Variants in FLT1 observed in about 807,000 individuals in gnomAD.
FLT1 encodes the protein fms related receptor tyrosine kinase 1.
Under a neutral mutation model 156.3 loss-of-function variants are expected in FLT1, and 49 were observed. The observed-to-expected ratio is 0.31, with a 90% confidence interval of 0.25 to 0.40. FLT1 has a LOEUF of 0.40. Ranked by LOEUF, FLT1 falls within the 10% of genes least tolerant of loss-of-function variation. The pLI is 1.00. For synonymous variants in FLT1, 594 were observed against 583.8 expected (o/e 1.02, Z -0.25); for missense variants, 1,322 against 1,637.2 (o/e 0.81, Z 3.32).
chr13:28,370,052 A>T (rs553586712), intron 14 of FLT1, among the ~76,000 whole-genome samples: 8 of 152,188 alleles, frequency 5.3e-5, no homozygotes, highest in African/African-American at 1.9e-4. Context: ...AATAAAAAAA[A>T]TTAGCCCGGC....
rs373080027 is a variant in FLT1, at chr13:28,334,135, A to T, written c.2489-6T>A. 34 of 1,594,416 alleles carry T rather than the reference A, an allele frequency of 2.1e-5. No homozygotes were observed. The highest frequency in any genetic ancestry group is 2.8e-5 in the Non-Finnish European group (32 of 1,162,058). On this transcript the variant is annotated splice_polypyrimidine_tract_variant and splice_region_variant and intron_variant, in intron 17 of 29. Transcript: ENST00000282397. Reference sequence around the variant, plus strand: ...CCCTCTTCCAAGTGATTTGCCTGTAATGAAGAGAAGACACTGGTTTGTTTG... The same window carrying T: ...CCCTCTTCCAAGTGATTTGCCTGTATTGAAGAGAAGACACTGGTTTGTTTG...
intron 1 of FLT1, among the ~76,000 whole-genome samples, chr13:28,478,703 T>G (rs916853677): frequency 1.3e-5 from 2 of 152,248 alleles, no homozygotes; most frequent in Non-Finnish European, 1.5e-5. Context: ...AAAATGCATA[T>G]TGTTCCAGTT....
At chr13:28,484,660 A>C (rs1227448135) in intron 1 of FLT1, among the ~76,000 whole-genome samples, 1 of 152,148 alleles carries the variant, frequency 6.6e-6, no homozygotes, top group African/African-American at 2.4e-5. Context: ...GAGATGGCCA[A>C]ACTCCAAGGA....
intron 4 of FLT1, among the ~76,000 whole-genome samples, chr13:28,437,714 G>C (rs946107448): frequency 2.0e-5 from 3 of 152,074 alleles, no homozygotes; most frequent in African/African-American, 7.2e-5. Flanking sequence ...TTTTCCCTAA[G>C]AGATGAAGTT....
At chr13:28,440,531 A>T (rs1368908746) in intron 3 of FLT1, among the ~76,000 whole-genome samples, 1 of 152,206 alleles carries the variant, frequency 6.6e-6, no homozygotes, top group East Asian at 1.9e-4. Context: ...TTCAGTGGGA[A>T]AGTAAGTGCC....
In FLT1 at chr13:28,312,062, T is replaced by C. The variant is rs560320808; in HGVS notation, c.3423A>G (p.Pro1141=). ...GTTCTGCAAATCTTGGCCTTTCTTTTGGGTCTCTGTGCCAGCAGTCCAGCA... is the reference window on the plus strand; with the variant it reads ...GTTCTGCAAATCTTGGCCTTTCTTTCGGGTCTCTGTGCCAGCAGTCCAGCA... The part of the protein sequence containing the change: ...QIMLDCWHRD[P]KERPRFAELV... The change falls in exon 26 of 30, where the codon CCA becomes CCG. Residue 1141 remains proline (P), a synonymous_variant. Coordinates refer to ENST00000282397, the MANE Select transcript of FLT1 (RefSeq NM_002019.4). The C allele has an allele frequency of 3.1e-6, 5 of 1,613,930 alleles. No homozygotes were observed. In the African/African-American group the frequency reaches 5.3e-5, roughly 17 times the overall value.
chr13:28,414,719 C>G (rs1447542658), intron 10 of FLT1, among the ~76,000 whole-genome samples: 1 of 152,188 alleles, frequency 6.6e-6, no homozygotes, highest in Non-Finnish European at 1.5e-5. Context: ...GTGAGCAACA[C>G]TTGTCTTTTG....
rs1284665489 is a variant in FLT1 at position 28,419,538 on chromosome 13, T to A, written c.1436+7621A>T. ...TCACAAATTTTGTGTCACTATCTTCTGGTAACCTGAGAAGCTACACTGAAT... is the reference window on the plus strand; with the variant it reads ...TCACAAATTTTGTGTCACTATCTTCAGGTAACCTGAGAAGCTACACTGAAT... On this transcript the variant is annotated intron_variant, in intron 10 of 29. Transcript: ENST00000282397. 2.0e-5 allele frequency among the ~76,000 whole-genome samples: 3 copies of A among 152,222 alleles called. No homozygotes were observed. In the East Asian group the frequency reaches 5.8e-4, roughly 29 times the overall value.
Position 28,427,151 on chromosome 13 carries a change from G to A in FLT1, c.1436+8C>T. Reference sequence around the variant, plus strand: ...TTGAAAGTTAGTAAAAAAACTGACTGTCCCTACCTTGCTTCGGAATGATTA... The same window carrying A: ...TTGAAAGTTAGTAAAAAAACTGACTATCCCTACCTTGCTTCGGAATGATTA... On this transcript the variant is annotated splice_region_variant and intron_variant, in intron 10 of 29. Coordinates refer to ENST00000282397, the MANE Select transcript of FLT1 (RefSeq NM_002019.4). 1 of 1,613,338 alleles carries A rather than the reference G, an allele frequency of 6.2e-7. No individual in the cohort carries two copies. Among genetic ancestry groups the A allele is most frequent in the Admixed American group, 1.7e-5 (1 of 60,012 alleles).
At chr13:28,485,993 G>T (rs1275133084) in intron 1 of FLT1, among the ~76,000 whole-genome samples, 1 of 152,228 alleles carries the variant, frequency 6.6e-6, no homozygotes, top group African/African-American at 2.4e-5. Flanking sequence ...ATAATGCATT[G>T]TTGTGTTGGG....
chr13:28,355,299 C>T (rs898672057), intron 15 of FLT1, among the ~76,000 whole-genome samples: 10 of 152,164 alleles, frequency 6.6e-5, no homozygotes. Flanking sequence ...TAGATTCTTA[C>T]AAGGTTAATA....
rs1874279613 is a variant in FLT1 at position 28,385,048 on chromosome 13, G to T, written c.1970-17C>A. The T allele has an allele frequency of 6.2e-7, 1 of 1,613,828 alleles. No individual in the cohort carries two copies. Among genetic ancestry groups the T allele is most frequent in the East Asian group, 2.2e-5 (1 of 44,880 alleles). On this transcript the variant is annotated splice_polypyrimidine_tract_variant and intron_variant, in intron 13 of 29. Coordinates refer to ENST00000282397, the MANE Select transcript of FLT1 (RefSeq NM_002019.4). ...CTTCCTGATCTAGTGAAGAAAGAAA[G>T]GGAGCTGTGATTACTCGTCAACTTT...
rs1157781404 is a variant in FLT1, at chr13:28,473,729, AGAAGGAAGGAAGGAAGGAAGGAAGGAAG to A, written c.65-6140_65-6113del. 8.0e-3 allele frequency among the ~76,000 whole-genome samples: 677 copies of A among 84,296 alleles called. 12 individuals are homozygous for A. The highest frequency in any genetic ancestry group is 0.034 in the African/African-American group (639 of 18,580). The allele number at this position is 84,296 out of a possible 152,430, so 55.3% of individuals were successfully genotyped here. On this transcript the variant is annotated intron_variant, in intron 1 of 29. Coordinates refer to ENST00000282397, the MANE Select transcript of FLT1 (RefSeq NM_002019.4). ...AAGAAAGAAAGAAAGAAAGAAAGAA[AGAAGGAAGGAAGGAAGGAAGGAAGGAAG>A]GAAGGAAGGAAGGAAGGAAGGAAAG...
intron 25 of FLT1, among the ~76,000 whole-genome samples, chr13:28,314,658 T>C (rs1214086183): frequency 6.6e-6 from 1 of 152,228 alleles, no homozygotes; most frequent in African/African-American, 2.4e-5. Context: ...ATCCCAGTTC[T>C]GAGAAGCTGC....
At chr13:28,314,552 C>T (rs1871129393) in intron 25 of FLT1, among the ~76,000 whole-genome samples, 2 of 152,140 alleles carry the variant, frequency 1.3e-5, no homozygotes, top group South Asian at 4.1e-4. Flanking sequence ...AGCTTGCATC[C>T]AAGCTGGGGA....
At chr13:28,408,114 C>T (rs1875919294) in intron 10 of FLT1, among the ~76,000 whole-genome samples, 1 of 152,160 alleles carries the variant, frequency 6.6e-6, no homozygotes. Flanking sequence ...GATTGTATTC[C>T]TTTTCCCCCA....
chr13:28,407,385 A>G (rs1415425339), intron 10 of FLT1, among the ~76,000 whole-genome samples: 1 of 151,492 alleles, frequency 6.6e-6, no homozygotes, highest in Middle Eastern at 3.4e-3. Flanking sequence ...TTTCTTCTGT[A>G]TTTTATTTAT....
chr13:28,479,616 A>G (rs1288598446), intron 1 of FLT1, among the ~76,000 whole-genome samples: 1 of 152,240 alleles, frequency 6.6e-6, no homozygotes, highest in Non-Finnish European at 1.5e-5. Context: ...CATTTTCACC[A>G]GCAGTATCTG....
chr13:28,494,992 C>T lies in FLT1; in HGVS notation c.-149G>A. On this transcript the variant is annotated 5_prime_UTR_variant, in exon 1 of 30. Transcript: ENST00000282397. ...TCCAGCCAGGAGACAACCACTTCCC[C>T]GGGTAATCCTCGCCGCCAGGCGCCC... The T allele has an allele frequency of 1.8e-6, 1 of 554,068 alleles. No individual in the cohort carries two copies. Among genetic ancestry groups the T allele is most frequent in the Non-Finnish European group, 2.9e-6 (1 of 339,108 alleles). The allele number at this position is 554,068 out of a possible 1,614,324, so 34.3% of individuals were successfully genotyped here. A position where few individuals can be genotyped will look rare whatever the true frequency, so the allele number is the denominator to read the frequency against.
Sources: allele counts gnomAD v4.1 joint callset (sites outside exome capture counted in the v4.1 genomes callset), GRCh38; gene constraint gnomAD v4.1.1; transcripts MANE v1.5; gene names NCBI Gene and HGNC (gene_info 2026-07-23, HGNC 2026-07-21).